Variants in CARD14 observed in about 807,000 individuals in gnomAD.
CARD14 encodes caspase recruitment domain-containing protein 14.
A neutral mutation model predicts 111.5 loss-of-function variants in CARD14; 107 were observed. The ratio of observed to expected loss-of-function variants is 0.96; its 90% CI spans 0.82 to 1.13. The LOEUF is 1.13. Ranked by LOEUF, CARD14 falls within the 50% of genes most tolerant of loss-of-function variation. The pLI, the probability that CARD14 is intolerant of heterozygous loss-of-function variation, is 0.00. For synonymous variants in CARD14, 617 were observed against 579.6 expected, an observed-to-expected ratio of 1.06 and a Z score of -0.93; for missense variants, 1,322 against 1,362.3, an observed-to-expected ratio of 0.97 and a Z score of 0.47.
Position 80,198,289 on chromosome 17 carries a change from G to A in CARD14, c.1659-110G>A, listed in dbSNP as rs913481311. ...CTTTCCAAGCACATGGGGCCATGGA[G>A]GGGGAGGAGAATTCCAGAACACTGG... On this transcript the variant is annotated intron_variant, in intron 15 of 23. Coordinates refer to ENST00000648509, the MANE Select transcript of CARD14 (RefSeq NM_001366385.1). The surrounding 1 kb of genome is among the most constrained non-coding windows in gnomAD (Gnocchi z 7.5). 3 of 1,565,122 alleles carry A rather than the reference G, an allele frequency of 1.9e-6. No homozygotes were observed. Among genetic ancestry groups the A allele is most frequent in the Admixed American group, 3.4e-5 (2 of 58,188 alleles).
intron 2 of CARD14, among the ~76,000 whole-genome samples, chr17:80,176,935 C>A (rs576113852): frequency 6.6e-6 from 1 of 152,192 alleles, no homozygotes; most frequent in Non-Finnish European, 1.5e-5. Flanking sequence ...ATTTCCACAT[C>A]GCCTTTGCCC....
rs2040170988 is a variant in CARD14 at position 80,181,442 on chromosome 17, G to C, written c.4G>C (p.Gly2Arg). The change falls in exon 5 of 24, where the codon GGG becomes CGG. Residue 2 changes from glycine to arginine, a missense_variant. Transcript: ENST00000648509. The stretch of plus-strand genomic sequence containing the variant: ...AGGGTCCTCCCAGCGCCCAGCCATG[G>C]GGGAACTGTGCCGCAGGGACTCCGC... M[G>R]ELCRRDSALT... is the part of the protein sequence containing the mutation. The C allele has an allele frequency of 6.4e-7, 1 of 1,566,318 alleles. No homozygotes were observed. Among genetic ancestry groups the C allele is most frequent in the African/African-American group, 1.4e-5 (1 of 73,680 alleles).
At chr17:80,192,329 C>T (rs976294632) in intron 11 of CARD14, 174 bp from the exon 12 acceptor site, 8 of 591,920 alleles carry the variant, frequency 1.4e-5, no homozygotes, top group Admixed American at 1.1e-4. Flanking sequence ...TTGGCAGCGC[C>T]TGTGATCCTG....
At chr17:80,186,586 C>A (rs148275766) in intron 7 of CARD14, among the ~76,000 whole-genome samples, 1,803 of 152,182 alleles carry the variant, frequency 0.012, 18 homozygotes, top group South Asian at 0.043. Flanking sequence ...GTCTCACTCG[C>A]TTCCCAAGCT....
chr17:80,172,872 C>CTTTTTTTTTTTTTTTTTTTTTTTTTTTT lies in CARD14; in HGVS notation c.-689-8_-689-7insTTTTTTTTTTTTTTTTTTTTTTTTTTTT, dbSNP rs55912754. 1.0e-3 allele frequency: 71 copies of CTTTTTTTTTTTTTTTTTTTTTTTTTTTT among 70,792 alleles called. 20 individuals are homozygous for CTTTTTTTTTTTTTTTTTTTTTTTTTTTT. The highest frequency in any genetic ancestry group is 2.2e-3 in the South Asian group (4 of 1,788). The allele number at this position is 70,792 out of a possible 1,614,324, so 4.4% of individuals were successfully genotyped here. Reference sequence around the variant, plus strand: ...CCCATACTTGCTTATTCTAAACATTCTTTTTTTTTTTTTTTTTTTTTTTTT... The same window carrying CTTTTTTTTTTTTTTTTTTTTTTTTTTTT: ...CCCATACTTGCTTATTCTAAACATTCTTTTTTTTTTTTTTTTTTTTTTTTTTTTTTTTTTTTTTTTTTTTTTTTTTTTT... On this transcript the variant is annotated intron_variant, in intron 1 of 23. Transcript: ENST00000648509.
intron 12 of CARD14, among the ~76,000 whole-genome samples, chr17:80,193,844 A>G (rs1479394168): frequency 6.6e-6 from 1 of 152,124 alleles, no homozygotes; most frequent in Non-Finnish European, 1.5e-5. Flanking sequence ...CGACTCTCGC[A>G]TCTGCCTTAA....
At chr17:80,200,028 T>G (rs1196974899) in intron 16 of CARD14, among the ~76,000 whole-genome samples, 1 of 150,246 alleles carries the variant, frequency 6.7e-6, no homozygotes. Context: ...GGCTCTGGGG[T>G]GGGAAGGTGA....
chr17:80,195,850 C>T lies in CARD14; in HGVS notation c.1594+198C>T, dbSNP rs559990320. 2.4e-5 allele frequency: 14 copies of T among 578,934 alleles called. No homozygotes were observed. The highest frequency in any genetic ancestry group is 3.7e-5 in the Non-Finnish European group (12 of 326,448). The allele number at this position is 578,934 out of a possible 1,614,324, so 35.9% of individuals were successfully genotyped here. The stretch of plus-strand genomic sequence containing the variant: ...CTGCCAGCCAGCGTAAGCCAAAGGC[C>T]GGCTGCGCTCTGTCTGCTGGTGTCC... On this transcript the variant is annotated intron_variant, in intron 14 of 23. Transcript: ENST00000648509. The surrounding 1 kb of genome is among the most constrained non-coding windows in gnomAD (Gnocchi z 4.7).
rs771831115 is a variant in CARD14 at position 80,195,354 on chromosome 17, C to A, written c.1499+21C>A. On this transcript the variant is annotated intron_variant, in intron 13 of 23. Coordinates refer to ENST00000648509, the MANE Select transcript of CARD14 (RefSeq NM_001366385.1). The surrounding 1 kb of genome is among the most constrained non-coding windows in gnomAD (Gnocchi z 4.7). ...TTCAGGTAGAGCACTGGGGTCCTTCCTGGCACTGGGGTGGCACTGGGGTCC... is the reference window on the plus strand; with the variant it reads ...TTCAGGTAGAGCACTGGGGTCCTTCATGGCACTGGGGTGGCACTGGGGTCC... 3.1e-6 allele frequency: 5 copies of A among 1,598,008 alleles called. No homozygotes were observed. Among genetic ancestry groups the A allele is most frequent in the Non-Finnish European group, 4.3e-6 (5 of 1,168,848 alleles).
At chr17:80,171,345 G>T (rs1425590271) in intron 1 of CARD14, among the ~76,000 whole-genome samples, 1 of 146,736 alleles carries the variant, frequency 6.8e-6, no homozygotes, top group Non-Finnish European at 1.5e-5. Flanking sequence ...TTGAGCCAGG[G>T]TCTTGCTCTG....
chr17:80,202,318 C>T lies in CARD14; in HGVS notation c.2117C>T (p.Thr706Ile), dbSNP rs778284973. 1 of 1,613,720 alleles carries T rather than the reference C, an allele frequency of 6.2e-7. No individual in the cohort carries two copies. The highest frequency in any genetic ancestry group is 1.3e-5 in the African/African-American group (1 of 75,040). ...QVHCNEVLHV[T>I]DTMFQGCGCW... ...CATTGCAACGAGGTCCTGCACGTCA[C>T]CGACACCATGTTCCAGGGCTGCGGC... Residue 706 changes from threonine to isoleucine, a missense_variant, in exon 18 of 24, where the codon ACC (threonine) becomes ATC (isoleucine). By Grantham distance (89) the Thr-to-Ile change is moderately conservative (BLOSUM62 -1). Coordinates refer to ENST00000648509, the MANE Select transcript of CARD14 (RefSeq NM_001366385.1).
At chr17:80,207,233 G>A (rs2041373519) in intron 23 of CARD14, 148 bp downstream of exon 23, 1 of 593,526 alleles carries the variant, frequency 1.7e-6, no homozygotes, top group African/African-American at 1.9e-5. Flanking sequence ...TTGGGACAAG[G>A]GCCCCGCTGA....
At chr17:80,193,859 C>T (rs1003288529) in intron 12 of CARD14, among the ~76,000 whole-genome samples, 3 of 152,192 alleles carry the variant, frequency 2.0e-5, no homozygotes, top group Admixed American at 1.3e-4. Context: ...CCTTAACGCC[C>T]TCTGTGCCCC....
chr17:80,174,670 T>C (rs12939929), intron 2 of CARD14, among the ~76,000 whole-genome samples: 32,727 of 152,024 alleles, frequency 0.22, 3,992 homozygotes, highest in Middle Eastern at 0.31. Context: ...TAGTCCTGGA[T>C]GTGTGATTAA....
Position 80,195,108 on chromosome 17 carries a change from C to G in CARD14, c.1357-83C>G, listed in dbSNP as rs955437070. On this transcript the variant is annotated intron_variant, in intron 12 of 23. Transcript: ENST00000648509. This position sits in a 1 kb window ranked among gnomAD's most constrained non-coding sequence, Gnocchi z 4.7. ...TCTCCAGTCAGTTCTCACTGTGGCT[C>G]TCTCTACACCGTGGGGGAGCAAGGG... is the stretch of plus-strand genomic sequence containing the variant. The G allele has an allele frequency of 6.7e-7, 1 of 1,497,792 alleles. No homozygotes were observed. The highest frequency in any genetic ancestry group is 9.0e-7 in the Non-Finnish European group (1 of 1,117,074). The allele number at this position is 1,497,792 out of a possible 1,614,324, so 92.8% of individuals were successfully genotyped here.
rs758339735 is a variant in CARD14 at position 80,182,816 on chromosome 17, G to C, written c.349+26G>C. ...GTGAGAGCTCCGACTTTGACGGTTT[G>C]GCAGGCACTTCTAGGAACCTCAGGC... On this transcript the variant is annotated intron_variant, in intron 6 of 23. Coordinates refer to ENST00000648509, the MANE Select transcript of CARD14 (RefSeq NM_001366385.1). The surrounding 1 kb of genome is among the most constrained non-coding windows in gnomAD (Gnocchi z 4.7). 1 of 1,613,564 alleles carries C rather than the reference G, an allele frequency of 6.2e-7. No individual in the cohort carries two copies. Among genetic ancestry groups the C allele is most frequent in the Admixed American group, 1.7e-5 (1 of 59,972 alleles).
In CARD14 at chr17:80,184,131, G is replaced by A; in HGVS notation, c.568G>A (p.Glu190Lys). The change falls in exon 7 of 24, where the codon GAG (glutamate) becomes AAG (lysine). Residue 190 changes from glutamate to lysine, a missense_variant. By Grantham distance (56) the Glu-to-Lys change is moderately conservative. Transcript: ENST00000648509. Reference protein sequence around the residue: ...MKREVSAHFHEVLRLKDEMLS... With the variant: ...MKREVSAHFHKVLRLKDEMLS... ...GCGTGAGGTTAGCGCACACTTCCAT[G>A]AGGTGCTGAGGCTGAAGGACGAGAT... 6.4e-7 allele frequency: 1 copy of A among 1,569,946 alleles called. No individual in the cohort carries two copies. The highest frequency in any genetic ancestry group is 8.6e-7 in the Non-Finnish European group (1 of 1,157,838).
intron 6 of CARD14, 122 bp from the exon 7 acceptor site, chr17:80,183,785 TGCTCAC>T (rs2040248400): frequency 1.6e-6 from 1 of 608,000 alleles, no homozygotes; most frequent in African/African-American, 2.0e-5. Context: ...CCCGCCCACA[TGCTCAC>T]CCGCCCACAT....
Position 80,202,494 on chromosome 17 carries a change from T to C in CARD14, c.2219+74T>C. ...AAATGGCACCCAGCCTGCCTCGGCTTCCTCCTCCTGCCCAGCAATAGAGGG... is the reference window on the plus strand; with the variant it reads ...AAATGGCACCCAGCCTGCCTCGGCTCCCTCCTCCTGCCCAGCAATAGAGGG... On this transcript the variant is annotated intron_variant, in intron 18 of 23. Transcript: ENST00000648509. 9 of 1,557,160 alleles carry C rather than the reference T, an allele frequency of 5.8e-6. No homozygotes were observed. In the South Asian group the frequency reaches 9.5e-5, roughly 16 times the overall value.
Sources: allele counts gnomAD v4.1 joint callset (sites outside exome capture counted in the v4.1 genomes callset), GRCh38; gene constraint gnomAD v4.1.1; non-coding constraint Gnocchi (gnomAD v3.1); transcripts MANE v1.5; gene names NCBI Gene and HGNC (gene_info 2026-07-23, HGNC 2026-07-21).